TUT4: variants seen among roughly 807,000 people sequenced by gnomAD.
The protein encoded by TUT4 is terminal uridylyl transferase 4.
In TUT4, 36 loss-of-function variants were observed where a neutral mutation model predicts 192.2. The observed-to-expected ratio is 0.19, with a 90% CI of 0.14 to 0.25. The LOEUF (loss-of-function observed/expected upper bound fraction) is 0.25. Ranked by LOEUF, TUT4 falls within the 10% of genes least tolerant of loss-of-function variation. The pLI, the probability that TUT4 is intolerant of heterozygous loss-of-function variation, is 1.00. For missense variants in TUT4, 1,493 were observed against 1,957.2 expected (o/e 0.76, Z 4.47); for synonymous variants, 618 against 666.0 (o/e 0.93, Z 1.11).
At chr1:52,497,398 C>A (rs1672722543) in intron 4 of TUT4, among the ~76,000 whole-genome samples, 2 of 152,128 alleles carry the variant, frequency 1.3e-5, no homozygotes. Context: ...GGGGATGCTA[C>A]TAAGTTTTTA....
chr1:52,492,082 T>C (rs748711501), intron 7 of TUT4, among the ~76,000 whole-genome samples: 3 of 152,202 alleles, frequency 2.0e-5, no homozygotes, highest in African/African-American at 4.8e-5. Context: ...AGGATGATAC[T>C]ACCTAGGAAG....
intron 8 of TUT4, among the ~76,000 whole-genome samples, chr1:52,490,493 G>GAA (rs113552548): frequency 1.4e-5 from 2 of 143,692 alleles, no homozygotes; most frequent in Non-Finnish European, 3.1e-5. Flanking sequence ...TGAATGACTT[G>GAA]AAAAAAAAAA....
chr1:52,540,868 A>G (rs1387676150), intron 1 of TUT4, among the ~76,000 whole-genome samples: 1 of 152,220 alleles, frequency 6.6e-6, no homozygotes, highest in African/African-American at 2.4e-5. Context: ...ATCTATTGAT[A>G]CATGCATCGT....
chr1:52,471,465 C>T (rs1665764756), intron 14 of TUT4, among the ~76,000 whole-genome samples: 1 of 152,176 alleles, frequency 6.6e-6, no homozygotes, highest in African/African-American at 2.4e-5. Flanking sequence ...TAGCATGTAA[C>T]ACATTCTATT....
chr1:52,501,716 A>G (rs1449321727), intron 4 of TUT4, among the ~76,000 whole-genome samples: 1 of 152,250 alleles, frequency 6.6e-6, no homozygotes, highest in Admixed American at 6.5e-5. Flanking sequence ...CCAAGTGTCC[A>G]TCCATGGATG....
intron 3 of TUT4, 145 bp downstream of exon 3, chr1:52,515,746 G>C (rs1307080561): frequency 9.0e-6 from 8 of 887,030 alleles, no homozygotes; most frequent in South Asian, 1.7e-5. Flanking sequence ...AGGGAAAGAA[G>C]AAGAAAGGTA....
At chr1:52,479,333 G>A (rs1472484695) in intron 11 of TUT4, among the ~76,000 whole-genome samples, 2 of 152,164 alleles carry the variant, frequency 1.3e-5, no homozygotes, top group South Asian at 4.1e-4. Flanking sequence ...TAGAAGAACT[G>A]TTCTGATTTT....
rs747573229 is a variant in TUT4 at position 52,443,144 on chromosome 1, G to A, written c.3822+2643C>T. Among the ~76,000 whole-genome samples, 3 of 152,082 alleles carry A rather than the reference G, an allele frequency of 2.0e-5. No homozygotes were observed. The Middle Eastern group carries it at 0.01, about 517-fold the overall frequency. On this transcript the variant is annotated intron_variant, in intron 24 of 29. Coordinates refer to ENST00000257177, the MANE Select transcript of TUT4 (RefSeq NM_001009881.3). ...ACTAAAAATACAAAATTAGCTGGGC[G>A]TAGTGGCACATGCCTGTAATCCCAG...
intron 6 of TUT4, 41 bp downstream of exon 6, chr1:52,495,386 T>C (rs1248082962): frequency 8.0e-7 from 1 of 1,242,632 alleles, no homozygotes; most frequent in Admixed American, 1.9e-5. Context: ...AATTACTAAG[T>C]ACTAGTTAAG....
intron 29 of TUT4, chr1:52,424,614 T>C (rs1273470819): frequency 6.6e-6 from 1 of 152,264 alleles, no homozygotes; most frequent in Non-Finnish European, 1.5e-5. Flanking sequence ...CTGAGGCAAG[T>C]AGGTTAGATA....
chr1:52,512,367 C>T (rs1262021305), intron 3 of TUT4, among the ~76,000 whole-genome samples: 3 of 152,178 alleles, frequency 2.0e-5, no homozygotes, highest in Admixed American at 1.3e-4. Context: ...GTCCTATGAG[C>T]TAGGTGTTAT....
chr1:52,445,051 GTC>G (rs1380489107), intron 24 of TUT4, among the ~76,000 whole-genome samples: 7 of 151,040 alleles, frequency 4.6e-5, no homozygotes, highest in Non-Finnish European at 1.0e-4. Context: ...GTGTGTGTGT[GTC>G]TGTGTATATA....
intron 16 of TUT4, chr1:52,462,856 T>C: frequency 1.0e-6 from 1 of 985,310 alleles, no homozygotes; most frequent in Non-Finnish European, 1.2e-6. Context: ...GATTATGGCA[T>C]TAAAAATTAA....
intron 1 of TUT4, among the ~76,000 whole-genome samples, chr1:52,551,216 T>A (rs540011772): frequency 6.6e-6 from 1 of 152,350 alleles, no homozygotes; most frequent in East Asian, 1.9e-4. Context: ...TACTAACAAC[T>A]TGGCCTATGA....
In TUT4 at chr1:52,423,903, C is replaced by T. The variant is rs943334757; in HGVS notation, c.*32G>A. The T allele has an allele frequency of 2.4e-5, 39 of 1,607,458 alleles. No homozygotes were observed. The highest frequency in any genetic ancestry group is 3.1e-5 in the Non-Finnish European group (36 of 1,177,042). ...GCAGGATTGGCTGGTTGCTGTGCAT[C>T]GGTAGACCAGCTGAAAGAAAATGGA... On this transcript the variant is annotated 3_prime_UTR_variant, in exon 30 of 30. Transcript: ENST00000257177.
intron 7 of TUT4, among the ~76,000 whole-genome samples, chr1:52,492,883 T>C (rs915993285): frequency 6.6e-6 from 1 of 152,336 alleles, no homozygotes; most frequent in East Asian, 1.9e-4. Flanking sequence ...TAAATTAATA[T>C]AGATGCTTTA....
chr1:52,527,459 T>C (rs888808023), intron 1 of TUT4, among the ~76,000 whole-genome samples: 2 of 151,660 alleles, frequency 1.3e-5, no homozygotes, highest in Admixed American at 6.6e-5. Context: ...GGCAGGAGAA[T>C]TGCTTGAACC....
intron 20 of TUT4, among the ~76,000 whole-genome samples, chr1:52,449,023 C>G (rs1195034269): frequency 6.6e-6 from 1 of 151,950 alleles, no homozygotes; most frequent in Admixed American, 6.6e-5. Flanking sequence ...TTAATTCTCT[C>G]CACTCTGTTT....
rs551581973 is a variant in TUT4, at chr1:52,501,812, G to A, written c.1000-4629C>T. Among the ~76,000 whole-genome samples the A allele has an allele frequency of 6.6e-5, 10 of 152,128 alleles. No homozygotes were observed. In the South Asian group the frequency reaches 1.2e-3, roughly 19 times the overall value. ...AAGAAATTCTGACAGATGCTACAAC[G>A]CGGTTGACCTGAAGACATGCTAAGT... is the stretch of plus-strand genomic sequence containing the variant. On this transcript the variant is annotated intron_variant, in intron 4 of 29. Coordinates refer to ENST00000257177, the MANE Select transcript of TUT4 (RefSeq NM_001009881.3).
Sources: gnomAD v4.1 joint callset for allele counts (sites outside exome capture counted in the v4.1 genomes callset) on GRCh38, gnomAD v4.1.1 for gene constraint, MANE v1.5 for transcripts, NCBI Gene and HGNC (gene_info 2026-07-23, HGNC 2026-07-21) for gene names.